The following CBLB variants were observed in gnomAD, a reference collection of about 807,000 sequenced individuals.
CBLB encodes the protein Cbl proto-oncogene B.
CBLB carries 31 observed loss-of-function variants against 104.9 expected under a neutral mutation model. The ratio of observed to expected loss-of-function variants is 0.30; its 90% CI spans 0.22 to 0.40. The LOEUF is 0.40. CBLB is among the 10% of genes least tolerant of loss of function. CBLB has a pLI of 1.00. For missense variants in CBLB, 1,062 were observed against 1,214.6 expected (o/e 0.87, Z 1.87); for synonymous variants, 440 against 422.6 (o/e 1.04, Z -0.51).
chr3:105,752,046 A>G (rs370133215), intron 4 of CBLB, among the ~76,000 whole-genome samples: 19 of 152,328 alleles, frequency 1.2e-4, no homozygotes, highest in Middle Eastern at 6.8e-3. Context: ...TCATTGCACA[A>G]ATGAGTAATA....
chr3:105,711,180 G>A, intron 10 of CBLB, among the ~76,000 whole-genome samples: 1 of 151,880 alleles, frequency 6.6e-6, no homozygotes, highest in East Asian at 1.9e-4. Context: ...CAGTCCCAGA[G>A]ATAATCAAAG....
At chr3:105,856,987 T>C (rs753415914) in intron 2 of CBLB, among the ~76,000 whole-genome samples, 3 of 152,134 alleles carry the variant, frequency 2.0e-5, no homozygotes, top group African/African-American at 4.8e-5. Flanking sequence ...ACCAAGAATA[T>C]TGCCACCAAC....
chr3:105,786,510 T>C lies in CBLB; in HGVS notation c.420-9968A>G, dbSNP rs560814897. ...TCAAGCCAAACCACTTGCATGACCA[T>C]TGATTACCAATCTTCTAAAAAGTGT... On this transcript the variant is annotated intron_variant, in intron 3 of 18. Transcript: ENST00000394030. Among the ~76,000 whole-genome samples, 180 of 152,280 alleles carry C rather than the reference T, an allele frequency of 1.2e-3. 1 individual carries two copies. Among genetic ancestry groups the C allele is most frequent in the African/African-American group, 3.6e-3 (148 of 41,564 alleles).
At chr3:105,722,331 A>G (rs2073003938) in intron 9 of CBLB, among the ~76,000 whole-genome samples, 1 of 152,136 alleles carries the variant, frequency 6.6e-6, no homozygotes, top group Admixed American at 6.6e-5. Context: ...CATACATTTA[A>G]AAAAATTATT....
chr3:105,660,332 C>T (rs1156558827), intron 18 of CBLB, among the ~76,000 whole-genome samples: 5 of 151,796 alleles, frequency 3.3e-5, no homozygotes, highest in East Asian at 3.9e-4. Flanking sequence ...GGATTACAGG[C>T]GTGCACCACC....
chr3:105,776,828 T>C (rs2079538052), intron 3 of CBLB, among the ~76,000 whole-genome samples: 1 of 152,002 alleles, frequency 6.6e-6, no homozygotes, highest in Non-Finnish European at 1.5e-5. Context: ...CACAGATTAA[T>C]GGAAGAGATG....
intron 4 of CBLB, among the ~76,000 whole-genome samples, chr3:105,754,206 C>T (rs1386188982): frequency 1.3e-5 from 2 of 152,022 alleles, no homozygotes; most frequent in African/African-American, 4.8e-5. Context: ...ACAACAAAGT[C>T]TTTAAAAACA....
intron 4 of CBLB, among the ~76,000 whole-genome samples, chr3:105,773,718 T>C (rs1017352962): frequency 3.3e-4 from 51 of 152,350 alleles, no homozygotes; most frequent in African/African-American, 1.2e-3. Context: ...TTGCTGAACA[T>C]ACTTAGACAC....
chr3:105,828,934 C>G (rs2086997574), intron 3 of CBLB, among the ~76,000 whole-genome samples: 1 of 152,050 alleles, frequency 6.6e-6, no homozygotes, highest in Admixed American at 6.6e-5. Context: ...AACATTTTAA[C>G]CACAGTGGAA....
intron 18 of CBLB, among the ~76,000 whole-genome samples, chr3:105,664,633 A>C (rs191157847): frequency 1.7e-4 from 26 of 152,294 alleles, no homozygotes; most frequent in African/African-American, 5.3e-4. Flanking sequence ...ACCACCACCA[A>C]CAACAAAATA....
chr3:105,751,732 C>A, intron 4 of CBLB, 114 bp from the exon 5 acceptor site: 2 of 791,050 alleles, frequency 2.5e-6, no homozygotes, highest in Non-Finnish European at 4.4e-6. Flanking sequence ...TTTGTACTAC[C>A]AGACAAATAT....
chr3:105,704,017 G>A lies in CBLB; in HGVS notation c.1564C>T (p.Pro522Ser), dbSNP rs4371546. 1 of 1,614,150 alleles carries A rather than the reference G, an allele frequency of 6.2e-7. No homozygotes were observed. ...GGTGAACCCGTTGGGCTGCCACAGG[G>A]AGATCTAACTATGCCTTTCTGAATT... ...DLIQKGIVRS[P>S]CGSPTGSPKS... The change falls in exon 11 of 19, where the codon CCC (proline) becomes TCC (serine). Residue 522 changes from proline (P) to serine (S), a missense_variant. This residue lies in a region of CBLB where 605 missense variants were observed against 582.6 expected (regional missense o/e 1.04). Transcript: ENST00000394030.
At chr3:105,790,559 G>A (rs2081513464) in intron 3 of CBLB, among the ~76,000 whole-genome samples, 1 of 152,198 alleles carries the variant, frequency 6.6e-6, no homozygotes, top group African/African-American at 2.4e-5. Flanking sequence ...GGAAATATAA[G>A]ATAAAGACCA....
At chr3:105,701,411 A>G (rs2069084341) in intron 12 of CBLB, among the ~76,000 whole-genome samples, 1 of 152,210 alleles carries the variant, frequency 6.6e-6, no homozygotes, top group African/African-American at 2.4e-5. Context: ...CAACTGATTT[A>G]TGACATGTAT....
chr3:105,841,690 T>G (rs1055871469), intron 3 of CBLB, among the ~76,000 whole-genome samples: 8 of 151,898 alleles, frequency 5.3e-5, no homozygotes, highest in African/African-American at 1.9e-4. Context: ...CCTGACCTCA[T>G]GATCTGCCCA....
At chr3:105,773,091 G>A (rs942838408) in intron 4 of CBLB, among the ~76,000 whole-genome samples, 1 of 152,188 alleles carries the variant, frequency 6.6e-6, no homozygotes, top group African/African-American at 2.4e-5. Flanking sequence ...GCACACGCTT[G>A]TTTATAGCAG....
At chr3:105,671,919 A>G (rs1371370198) in intron 17 of CBLB, 2 of 192,726 alleles carry the variant, frequency 1.0e-5, no homozygotes, top group Non-Finnish European at 2.2e-5. Context: ...GAGAAGATAA[A>G]TCGCATGAGA....
intron 4 of CBLB, among the ~76,000 whole-genome samples, chr3:105,757,971 C>T (rs1253491099): frequency 6.6e-6 from 1 of 152,120 alleles, no homozygotes; most frequent in Admixed American, 6.5e-5. Flanking sequence ...AAGCTTTGTT[C>T]AGAAGATAAT....
intron 17 of CBLB, among the ~76,000 whole-genome samples, chr3:105,675,859 T>C (rs1576241470): frequency 8.6e-6 from 1 of 116,068 alleles, no homozygotes; most frequent in South Asian, 2.9e-4. Context: ...TACTCCAGCC[T>C]GGGCAACAGA....
Sources: allele counts gnomAD v4.1 joint callset (sites outside exome capture counted in the v4.1 genomes callset), GRCh38; gene constraint gnomAD v4.1.1; regional missense constraint gnomAD v4.1.1; transcripts MANE v1.5; gene names NCBI Gene and HGNC (gene_info 2026-07-23, HGNC 2026-07-21).